NOM1: variants seen among roughly 807,000 people sequenced by gnomAD.
NOM1 encodes the protein nucleolar MIF4G domain-containing protein 1.
NOM1 carries 58 observed loss-of-function variants against 73.3 expected under a neutral mutation model. The observed-to-expected ratio is 0.79, with a 90% confidence interval of 0.64 to 0.99. The LOEUF (loss-of-function observed/expected upper bound fraction) is 0.99, where lower values mean the gene tolerates loss of function less well. Among genes scored for constraint, NOM1 ranks in the 50% least tolerant of loss-of-function variants. The probability of loss-of-function intolerance (pLI) is 0.00; values close to 1 mark genes in which losing one functional copy is unlikely to be tolerated. For synonymous variants in NOM1, 487 were observed against 446.8 expected (o/e 1.09, Z -1.14); for missense variants, 1,226 against 1,131.9 (o/e 1.08, Z -1.19).
chr7:156,956,741 T>A (rs1391355011), intron 3 of NOM1, among the ~76,000 whole-genome samples: 1 of 152,232 alleles, frequency 6.6e-6, no homozygotes, highest in Non-Finnish European at 1.5e-5. Context: ...AACCCTCTTG[T>A]TATTTTTTAT....
At chr7:156,955,005 G>A (rs1348074841) in intron 3 of NOM1, among the ~76,000 whole-genome samples, 1 of 152,202 alleles carries the variant, frequency 6.6e-6, no homozygotes, top group African/African-American at 2.4e-5. Flanking sequence ...GCATGGAACT[G>A]CCTGGACATG....
chr7:156,968,579 T>C (rs1049991710), intron 9 of NOM1, among the ~76,000 whole-genome samples: 4 of 152,030 alleles, frequency 2.6e-5, no homozygotes, highest in Non-Finnish European at 5.9e-5. Flanking sequence ...TGTATACGTA[T>C]GCCTCAGTTT....
At position 156,969,922 on chromosome 7, in the gene NOM1, GA is replaced by G; in HGVS notation, c.*223del. 1 of 287,228 alleles carries G rather than the reference GA, an allele frequency of 3.5e-6. No individual in the cohort carries two copies. The highest frequency in any genetic ancestry group is 4.6e-5 in the South Asian group (1 of 21,662). 17.8% of individuals were successfully genotyped at this position (287,228 alleles called of 1,614,324 possible). On this transcript the variant is annotated 3_prime_UTR_variant, in exon 11 of 11. Coordinates refer to ENST00000275820, the MANE Select transcript of NOM1 (RefSeq NM_138400.2). ...GGGGGTGAGAGGAGAAGGAGGGAGG[GA>G]AAAGGGGTCAGGCACACTGGACAGG...
Position 156,969,764 on chromosome 7 carries a change from G to A in NOM1, c.*61G>A. 1.3e-6 allele frequency: 2 copies of A among 1,490,716 alleles called. No individual in the cohort carries two copies. The highest frequency in any genetic ancestry group is 2.3e-5 in the East Asian group (1 of 43,036). The allele number at this position is 1,490,716 out of a possible 1,614,324, so 92.3% of individuals were successfully genotyped here. Reference sequence around the variant, plus strand: ...GTAAAATGTCCTTGGTAAACCCAAAGGCTTATTCTGTTGCCTGCGTGTGAA... The same window carrying A: ...GTAAAATGTCCTTGGTAAACCCAAAAGCTTATTCTGTTGCCTGCGTGTGAA... On this transcript the variant is annotated 3_prime_UTR_variant, in exon 11 of 11. Transcript: ENST00000275820.
Position 156,969,614 on chromosome 7 carries a change from C to CA in NOM1, c.2495dup (p.His832GlnfsTer15). ...CTTCTTGCTAAAGAACGCACAGGCC[C>CA]ACAGAAGCGCCGACGAAGCCAACGT... On this transcript the variant is annotated frameshift_variant, in exon 11 of 11. Transcript: ENST00000275820. LOFTEE classifies it low-confidence loss of function (END_TRUNC). 6.2e-7 allele frequency: 1 copy of CA among 1,614,002 alleles called. No individual in the cohort carries two copies. Among genetic ancestry groups the CA allele is most frequent in the Non-Finnish European group, 8.5e-7 (1 of 1,179,976 alleles).
In NOM1 at chr7:156,949,782, C is replaced by T. The variant is rs2134763727; in HGVS notation, c.45C>T (p.Ser15=). The T allele has an allele frequency of 1.4e-6, 2 of 1,410,188 alleles. No individual in the cohort carries two copies. Among genetic ancestry groups the T allele is most frequent in the Non-Finnish European group, 1.8e-6 (2 of 1,087,332 alleles). The allele number at this position is 1,410,188 out of a possible 1,614,324, so 87.4% of individuals were successfully genotyped here. A position where few individuals can be genotyped will look rare whatever the true frequency, so the allele number is the denominator to read the frequency against. The change falls in exon 1 of 11, where the codon TCC becomes TCT. Residue 15 remains serine, a synonymous_variant. Coordinates refer to ENST00000275820, the MANE Select transcript of NOM1 (RefSeq NM_138400.2). ...CGGGAGAGGCCGGCCCGGGCGGCTC[C>T]CAGGGACGCGTGGTCCGCATGAAGC... The part of the protein sequence containing the change: ...RSAGEAGPGG[S]QGRVVRMKRR...
intron 10 of NOM1, 81 bp downstream of exon 10, chr7:156,969,277 G>A: frequency 1.1e-6 from 1 of 894,118 alleles, no homozygotes; most frequent in Admixed American, 1.9e-5. Flanking sequence ...ACAAACACAA[G>A]GTTGTACTAT....
Position 156,950,662 on chromosome 7 carries a change from C to G in NOM1, c.925C>G (p.Arg309Gly), listed in dbSNP as rs578128103. 1.3e-6 allele frequency: 2 copies of G among 1,552,420 alleles called. No individual in the cohort carries two copies. Among genetic ancestry groups the G allele is most frequent in the East Asian group, 4.9e-5 (2 of 40,920 alleles). The change falls in exon 1 of 11, where the codon CGT becomes GGT. Residue 309 changes from arginine (R) to glycine (G), a missense_variant. Arg to Gly is a moderately radical substitution (Grantham distance 125). Coordinates refer to ENST00000275820, the MANE Select transcript of NOM1 (RefSeq NM_138400.2). ...AQEKRRGKRV[R>G]FAEDEEKSEN... The stretch of plus-strand genomic sequence containing the variant: ...GGAGAAAAGGAGGGGGAAGAGAGTC[C>G]GTTTTGCAGAAGATGAAGAAAAGAG...
intron 1 of NOM1, among the ~76,000 whole-genome samples, chr7:156,951,842 G>A (rs1437020957): frequency 1.3e-5 from 2 of 151,994 alleles, no homozygotes; most frequent in East Asian, 1.9e-4. Flanking sequence ...AAGTAGCTGG[G>A]ACTACAGGCG....
At chr7:156,964,471 A>T (rs1441134304) in intron 7 of NOM1, among the ~76,000 whole-genome samples, 1 of 152,108 alleles carries the variant, frequency 6.6e-6, no homozygotes, top group East Asian at 1.9e-4. Flanking sequence ...TTGTAATAAG[A>T]TTTTAAAGAT....
At chr7:156,966,147 C>T in intron 7 of NOM1, 123 bp from the exon 8 acceptor site, 1 of 1,228,862 alleles carries the variant, frequency 8.1e-7, no homozygotes, top group South Asian at 1.4e-5. Flanking sequence ...CTGCCTCCAC[C>T]TCCTTTACGT....
intron 9 of NOM1, among the ~76,000 whole-genome samples, chr7:156,968,540 C>T (rs1805060201): frequency 6.6e-6 from 1 of 152,000 alleles, no homozygotes; most frequent in African/African-American, 2.4e-5. Flanking sequence ...ACGTTGGCGC[C>T]CGTGAGTCTG....
chr7:156,972,865 A>C lies in NOM1; in HGVS notation c.*3162A>C, dbSNP rs1469969584. 1 of 152,218 alleles carries C rather than the reference A, an allele frequency of 6.6e-6. No homozygotes were observed. Among genetic ancestry groups the C allele is most frequent in the Admixed American group, 6.5e-5 (1 of 15,284 alleles). 9.4% of individuals were successfully genotyped at this position (152,218 alleles called of 1,614,324 possible). A position where few individuals can be genotyped will look rare whatever the true frequency, so the allele number is the denominator to read the frequency against. ...AAACCCAACATATATGGGCTGTTAGATAGTAATTGTAATTTCGTATAAATA... is the reference window on the plus strand; with the variant it reads ...AAACCCAACATATATGGGCTGTTAGCTAGTAATTGTAATTTCGTATAAATA... On this transcript the variant is annotated 3_prime_UTR_variant, in exon 11 of 11. Coordinates refer to ENST00000275820, the MANE Select transcript of NOM1 (RefSeq NM_138400.2).
At chr7:156,957,555 C>T (rs1804753086) in intron 3 of NOM1, among the ~76,000 whole-genome samples, 1 of 151,998 alleles carries the variant, frequency 6.6e-6, no homozygotes, top group African/African-American at 2.4e-5. Flanking sequence ...GCGGGTGGAT[C>T]ATGAGGTCAG....
chr7:156,959,898 C>T lies in NOM1; in HGVS notation c.1356C>T (p.Ile452=). ...LEAVVRKFDA[I]YKYGSEGKEC... is the part of the protein sequence containing the mutation. The stretch of plus-strand genomic sequence containing the variant: ...CAGTGGTGAGGAAGTTCGATGCCAT[C>T]TATAAATACGGAAGCGAAGGGAAAG... The change falls in exon 4 of 11, where the codon ATC becomes ATT. Residue 452 remains isoleucine, a synonymous_variant. Transcript: ENST00000275820. 6.2e-7 allele frequency: 1 copy of T among 1,614,202 alleles called. No individual in the cohort carries two copies. The highest frequency in any genetic ancestry group is 1.3e-5 in the African/African-American group (1 of 75,054).
Position 156,972,462 on chromosome 7 carries a change from GTTATA to G in NOM1, c.*2761_*2765del. 1 of 152,148 alleles carries G rather than the reference GTTATA, an allele frequency of 6.6e-6. No homozygotes were observed. Among genetic ancestry groups the G allele is most frequent in the East Asian group, 1.9e-4 (1 of 5,182 alleles). 9.4% of individuals were successfully genotyped at this position (152,148 alleles called of 1,614,324 possible). ...CAAAAATACCTCTCTTTGCTAGAGA[GTTATA>G]TGTATGACTTAAATTATTAGCTATG... On this transcript the variant is annotated 3_prime_UTR_variant, in exon 11 of 11. Coordinates refer to ENST00000275820, the MANE Select transcript of NOM1 (RefSeq NM_138400.2).
At chr7:156,954,522 C>CATTTTTTTTTTTTTTTTTTTT in intron 3 of NOM1, among the ~76,000 whole-genome samples, 1 of 101,660 alleles carries the variant, frequency 9.8e-6, no homozygotes, top group Non-Finnish European at 1.9e-5. Flanking sequence ...TCTGTCCATT[C>CATTTTTTTTTTTTTTTTTTTT]TTTTTTTTTT....
rs143907452 is a variant in NOM1 at position 156,954,385 on chromosome 7, C to T, written c.1308+87C>T. ...GGCTTGATAAGTGCGTAATTGTGTG[C>T]TGTGGGTGGTTCTTGTGTCGATTCC... On this transcript the variant is annotated intron_variant, in intron 3 of 10. Transcript: ENST00000275820. 352 of 1,158,048 alleles carry T rather than the reference C, an allele frequency of 3.0e-4. 1 individual carries two copies. In the African/African-American group the frequency reaches 4.8e-3, roughly 16 times the overall value. The allele number at this position is 1,158,048 out of a possible 1,614,324, so 71.7% of individuals were successfully genotyped here.
intron 3 of NOM1, among the ~76,000 whole-genome samples, chr7:156,958,275 G>A (rs1051526452): frequency 6.6e-6 from 1 of 152,164 alleles, no homozygotes; most frequent in African/African-American, 2.4e-5. Context: ...CTAGCTTGCT[G>A]CCCCTCACGT....
Sources: gnomAD v4.1 joint callset for allele counts (sites outside exome capture counted in the v4.1 genomes callset) on GRCh38, gnomAD v4.1.1 for gene constraint, MANE v1.5 for transcripts, NCBI Gene and HGNC (gene_info 2026-07-23, HGNC 2026-07-21) for gene names.